The following NEB variants were observed in gnomAD, a reference collection of about 807,000 sequenced individuals.
NEB encodes nemaline myopathy type 2.
Under a neutral mutation model 952.2 loss-of-function variants are expected in NEB, and 512 were observed. That is an observed-to-expected ratio of 0.54 (90% CI 0.50 to 0.58). The LOEUF is 0.58. NEB is among the 20% of genes least tolerant of loss of function. The pLI is 0.00. For missense variants in NEB, 8,428 were observed against 9,231.1 expected, an observed-to-expected ratio of 0.91 and a Z score of 3.56; for synonymous variants, 2,900 against 3,149.8, an observed-to-expected ratio of 0.92 and a Z score of 2.66.
intron 20 of NEB, 95 bp from the exon 21 acceptor site, chr2:151,692,457 G>T: frequency 1.0e-6 from 1 of 988,836 alleles, no homozygotes; most frequent in Non-Finnish European, 1.5e-6. Flanking sequence ...TAACTGAAGG[G>T]GCAAAATTTA....
In NEB at chr2:151,687,718, C is replaced by T. The variant is rs199766446; in HGVS notation, c.2431G>A (p.Asp811Asn). ...YNLSDNVYKQ[D>N]WEKSKAKKFD... ...TTCTTGGCTTTGCTCTTCTCCCAGT[C>T]TTGCTTATAAACATTCTGGACAAGA... Residue 811 changes from aspartate to asparagine, a missense_variant, in exon 26 of 182, where the codon GAC becomes AAC. Around this residue, in one of 11 missense-constraint regions of NEB, gnomAD observed 2,851 missense variants for 2,791.5 expected, o/e 1.02. Transcript: ENST00000397345. 17 of 1,587,552 alleles carry T rather than the reference C, an allele frequency of 1.1e-5. No homozygotes were observed. In the East Asian group the frequency reaches 3.6e-4, roughly 34 times the overall value.
rs757698708 is a variant in NEB, at chr2:151,672,627, T to C, written c.4041A>G (p.Arg1347=). ...EKSKGKHVGF[R]SLQDDPKLVH... ...CCAGCTTGGGATCATCCTGGAGGCT[T>C]CTGAAACCCACATGCTTTCCCTTTG... is the stretch of plus-strand genomic sequence containing the variant. Residue 1347 remains arginine, a synonymous_variant, in exon 37 of 182, where the codon AGA becomes AGG. Coordinates refer to ENST00000397345, the MANE Select transcript of NEB (RefSeq NM_001164508.2). The C allele has an allele frequency of 6.2e-7, 1 of 1,614,002 alleles. No homozygotes were observed. The highest frequency in any genetic ancestry group is 8.5e-7 in the Non-Finnish European group (1 of 1,179,860).
Position 151,710,311 on chromosome 2 carries a change from T to C in NEB, c.927+123A>G, listed in dbSNP as rs2099741019. ...TTAAAAGGAACTCTGCACCAGGTCT[T>C]GCCCCAAGAAGAGGGGCCTCAAGTG... On this transcript the variant is annotated intron_variant, in intron 11 of 181. Transcript: ENST00000397345. 7 of 535,780 alleles carry C rather than the reference T, an allele frequency of 1.3e-5. No individual in the cohort carries two copies. The East Asian group carries it at 2.0e-4, about 16-fold the overall frequency. The allele number at this position is 535,780 out of a possible 1,614,324, so 33.2% of individuals were successfully genotyped here. A position where few individuals can be genotyped will look rare whatever the true frequency, so the allele number is the denominator to read the frequency against.
chr2:151,616,213 A>G (rs2098188323), intron 75 of NEB, 104 bp from the exon 76 acceptor site: 1 of 807,092 alleles, frequency 1.2e-6, no homozygotes, highest in South Asian at 1.7e-5. Context: ...AATAATTCAC[A>G]AAGTCAATCA....
At chr2:151,611,820 G>T (rs2097980706) in intron 78 of NEB, among the ~76,000 whole-genome samples, 1 of 152,212 alleles carries the variant, frequency 6.6e-6, no homozygotes, top group Non-Finnish European at 1.5e-5. Context: ...AGAATGAAGT[G>T]TAAATGGCTT....
rs779788527 is a variant in NEB at position 151,659,179 on chromosome 2, A to G, written c.5971-10T>C. ...CTTGTTTGTAGAGATGCTAGGAAAAAAACAGTGTAAATTAGTGTTTAAAAT... is the reference window on the plus strand; with the variant it reads ...CTTGTTTGTAGAGATGCTAGGAAAAGAACAGTGTAAATTAGTGTTTAAAAT... On this transcript the variant is annotated splice_polypyrimidine_tract_variant and intron_variant, in intron 46 of 181. Coordinates refer to ENST00000397345, the MANE Select transcript of NEB (RefSeq NM_001164508.2). 1 of 1,572,034 alleles carries G rather than the reference A, an allele frequency of 6.4e-7. No homozygotes were observed. Among genetic ancestry groups the G allele is most frequent in the South Asian group, 1.1e-5 (1 of 90,018 alleles).
Position 151,665,318 on chromosome 2 carries a change from C to A in NEB, c.5238+15G>T. The A allele has an allele frequency of 6.2e-7, 1 of 1,612,116 alleles. No homozygotes were observed. The highest frequency in any genetic ancestry group is 8.5e-7 in the Non-Finnish European group (1 of 1,178,684). ...ATGAGGGTTCCCTGGGCGAGGCTGG[C>A]AGGTGAGTCCTTACCTTGTCCATGT... On this transcript the variant is annotated intron_variant, in intron 42 of 181. Coordinates refer to ENST00000397345, the MANE Select transcript of NEB (RefSeq NM_001164508.2).
chr2:151,694,845 C>G (rs1270074305), intron 18 of NEB, among the ~76,000 whole-genome samples: 1 of 152,092 alleles, frequency 6.6e-6, no homozygotes, highest in Admixed American at 6.5e-5. Context: ...AATTTTTTAT[C>G]AAATTAATTT....
intron 37 of NEB, 143 bp from the exon 38 acceptor site, chr2:151,671,372 G>A (rs1307860140): frequency 3.0e-6 from 2 of 670,870 alleles, no homozygotes; most frequent in South Asian, 2.0e-5. Context: ...AGCTTATCTG[G>A]AGTGTGGTAA....
chr2:151,664,550 T>C lies in NEB; in HGVS notation c.5402A>G (p.Asp1801Gly). The change falls in exon 44 of 182, where the codon GAT becomes GGT. Residue 1801 changes from aspartate (D) to glycine (G), a missense_variant. Asp to Gly is a moderately conservative substitution (Grantham distance 94). Around this residue, in one of 11 missense-constraint regions of NEB, gnomAD observed 2,851 missense variants for 2,791.5 expected, o/e 1.02. Transcript: ENST00000397345. ...EKKKGYDLRPDAIAIKAARAS... is the reference protein window; with the variant it reads ...EKKKGYDLRPGAIAIKAARAS... ...TCTTGCAGCCTTTATTGCAATGGCA[T>C]CAGGCCTCAGGTCATATCCTTTCTT... 6.2e-7 allele frequency: 1 copy of C among 1,608,314 alleles called. No individual in the cohort carries two copies.
At chr2:151,635,846 A>G (rs1033251009) in intron 64 of NEB, among the ~76,000 whole-genome samples, 2 of 152,238 alleles carry the variant, frequency 1.3e-5, no homozygotes, top group Admixed American at 1.3e-4. Flanking sequence ...CAAATGTTAC[A>G]TAAAGCCAGG....
At chr2:151,693,593 A>G (rs542576990) in intron 20 of NEB, among the ~76,000 whole-genome samples, 33 of 152,272 alleles carry the variant, frequency 2.2e-4, no homozygotes, top group African/African-American at 7.9e-4. Flanking sequence ...AAAGGACATG[A>G]TCTGATTCCA....
In NEB at chr2:151,534,846, A is replaced by C. The variant is rs189680878; in HGVS notation, c.21312+845T>G. ...AGGAAGCTACTGGCAGTAATTCTTC[A>C]GGGTTGTCCAGTCTGGAAATCTACT... On this transcript the variant is annotated intron_variant, in intron 142 of 181. Coordinates refer to ENST00000397345, the MANE Select transcript of NEB (RefSeq NM_001164508.2). 1.3e-3 allele frequency among the ~76,000 whole-genome samples: 199 copies of C among 152,344 alleles called. 3 individuals carry two copies. Among genetic ancestry groups the C allele is most frequent in the Non-Finnish European group, 3.8e-4 (26 of 68,032 alleles).
chr2:151,676,918 A>T (rs919550366), intron 34 of NEB, among the ~76,000 whole-genome samples: 2 of 152,188 alleles, frequency 1.3e-5, no homozygotes, highest in Non-Finnish European at 2.9e-5. Flanking sequence ...CACATGGTAA[A>T]TGTTCAAAAA....
chr2:151,493,802 C>T lies in NEB; in HGVS notation c.24645G>A (p.Val8215=), dbSNP rs769610035. The T allele has an allele frequency of 7.6e-5, 121 of 1,584,446 alleles. No individual in the cohort carries two copies. Among genetic ancestry groups the T allele is most frequent in the Non-Finnish European group, 9.5e-5 (111 of 1,163,314 alleles). The change falls in exon 175 of 182, where the codon GTG becomes GTA. Residue 8215 remains valine, a synonymous_variant. Coordinates refer to ENST00000397345, the MANE Select transcript of NEB (RefSeq NM_001164508.2). ...PTPFTPEMER[V]KRNQENFSSV... is the part of the protein sequence containing the mutation. ...AGCTAAAGTTTTCTTGATTGCGTTT[C>T]ACTCTTTCCATCTCAGGAGTAAAGG...
At position 151,679,820 on chromosome 2, in the gene NEB, G is replaced by C. The variant is rs1386755643; in HGVS notation, c.3156C>G (p.Tyr1052Ter). Residue 1052 changes from tyrosine (Y) to a stop codon, truncating the protein, a stop_gained, in exon 32 of 182, where the codon TAC (tyrosine) becomes TAG (stop). Coordinates refer to ENST00000397345, the MANE Select transcript of NEB (RefSeq NM_001164508.2). LOFTEE classifies it high-confidence loss of function. ...VNAYNISENM[Y>*]KADLKDLSKK... ...TGCTCAAGTCTTTCAAGTCTGCTTT[G>C]TACATATTCTGAAAGAAAAATGTCA... 2 of 1,613,356 alleles carry C rather than the reference G, an allele frequency of 1.2e-6. No individual in the cohort carries two copies. Among genetic ancestry groups the C allele is most frequent in the Non-Finnish European group, 1.7e-6 (2 of 1,179,342 alleles).
At position 151,633,739 on chromosome 2, in the gene NEB, T is replaced by C. The variant is rs778306283; in HGVS notation, c.9329A>G (p.Tyr3110Cys). ...KCQTLVSDVD[Y>C]KNYLHEWTCL... Reference sequence around the variant, plus strand: ...TGTCCACTCGTGCAGGTAGTTCTTATAGTCCACGTCACTGACTAAGGTCTG... The same window carrying C: ...TGTCCACTCGTGCAGGTAGTTCTTACAGTCCACGTCACTGACTAAGGTCTG... Residue 3110 changes from tyrosine (Y) to cysteine (C), a missense_variant, in exon 65 of 182, where the codon TAT (tyrosine) becomes TGT (cysteine). Tyr to Cys is a radical substitution (Grantham distance 194, BLOSUM62 -2). Around this residue, in one of 11 missense-constraint regions of NEB, gnomAD observed 1,772 missense variants for 1,960.3 expected, o/e 0.90. Coordinates refer to ENST00000397345, the MANE Select transcript of NEB (RefSeq NM_001164508.2). The C allele has an allele frequency of 6.8e-6, 11 of 1,613,886 alleles. No individual in the cohort carries two copies. Among genetic ancestry groups the C allele is most frequent in the Non-Finnish European group, 9.3e-6 (11 of 1,179,892 alleles).
chr2:151,522,150 A>G (rs1265530413), intron 153 of NEB, among the ~76,000 whole-genome samples: 4 of 152,200 alleles, frequency 2.6e-5, no homozygotes, highest in African/African-American at 9.6e-5. Context: ...GTGATTTTGC[A>G]TTAATTATAT....
chr2:151,627,805 C>T lies in NEB; in HGVS notation c.9861G>A (p.Gln3287=), dbSNP rs2098552884. The change falls in exon 69 of 182, where the codon CAG becomes CAA. Residue 3287 remains glutamine (Q), a synonymous_variant. Transcript: ENST00000397345. The stretch of plus-strand genomic sequence containing the variant: ...TCCGGGCTCCAATGTGGTGGCCGAG[C>T]TGCTTGCGGTAACCATCTTTGTATT... ...DYKYKDGYRK[Q]LGHHIGARNI... 1 of 1,613,782 alleles carries T rather than the reference C, an allele frequency of 6.2e-7. No homozygotes were observed.
Sources: allele counts gnomAD v4.1 joint callset (sites outside exome capture counted in the v4.1 genomes callset), GRCh38; gene constraint gnomAD v4.1.1; regional missense constraint gnomAD v4.1.1; transcripts MANE v1.5; gene names NCBI Gene and HGNC (gene_info 2026-07-23, HGNC 2026-07-21).